The following ACYP2 variants were observed in gnomAD, a reference collection of about 807,000 sequenced individuals.
ACYP2 encodes acylphosphatase-2.
In ACYP2, 12 loss-of-function variants were observed where a neutral mutation model predicts 11.2. The ratio of observed to expected loss-of-function variants is 1.08; its 90% confidence interval spans 0.69 to 1.74. The LOEUF is 1.74. Ranked by LOEUF, ACYP2 falls within the 40% of genes most tolerant of loss-of-function variation. The pLI is 0.00. For missense variants in ACYP2, 134 were observed against 101.9 expected, an observed-to-expected ratio of 1.31 and a Z score of -1.35; for synonymous variants, 43 against 32.2, an observed-to-expected ratio of 1.33 and a Z score of -1.13.
At chr2:54,103,219 T>C (rs886948709) in intron 4 of ACYP2, among the ~76,000 whole-genome samples, 1 of 152,234 alleles carries the variant, frequency 6.6e-6, no homozygotes, top group African/African-American at 2.4e-5. Flanking sequence ...GAAAGAAGTT[T>C]TCTATCAAAA....
At chr2:54,064,057 C>CT (rs1319039259) in intron 4 of ACYP2, among the ~76,000 whole-genome samples, 44 of 152,154 alleles carry the variant, frequency 2.9e-4, no homozygotes, top group African/African-American at 1.0e-3. Flanking sequence ...TATTGTTGCC[C>CT]TTGTTAGTCT....
chr2:54,093,956 A>T (rs72906752), intron 4 of ACYP2, among the ~76,000 whole-genome samples: 4,686 of 151,940 alleles, frequency 0.031, 256 homozygotes, highest in African/African-American at 0.11. Flanking sequence ...CAAACAAACA[A>T]ACAAACAAAC....
At chr2:54,051,157 G>C (rs536738008) in intron 3 of ACYP2, 21 of 701,648 alleles carry the variant, frequency 3.0e-5, no homozygotes, top group African/African-American at 1.1e-4. Flanking sequence ...GGGCAAGTGA[G>C]AACCAGACAG....
intron 6 of ACYP2, among the ~76,000 whole-genome samples, chr2:54,292,937 C>G (rs1689372109): frequency 6.6e-6 from 1 of 152,198 alleles, no homozygotes; most frequent in African/African-American, 2.4e-5. Context: ...ACCTAATTCC[C>G]TGTATTAAAT....
chr2:54,002,064 C>T (rs1224671470), intron 2 of ACYP2, among the ~76,000 whole-genome samples: 1 of 152,196 alleles, frequency 6.6e-6, no homozygotes, highest in African/African-American at 2.4e-5. Flanking sequence ...GGTGTACATT[C>T]TATGGGTTTT....
chr2:54,016,277 T>C (rs1673678621), intron 2 of ACYP2, among the ~76,000 whole-genome samples: 1 of 152,040 alleles, frequency 6.6e-6, no homozygotes, highest in African/African-American at 2.4e-5. Flanking sequence ...ATAAAAAAAA[T>C]ATGTAGCCTT....
chr2:54,120,182 T>C (rs562895914), intron 4 of ACYP2, among the ~76,000 whole-genome samples: 1 of 152,324 alleles, frequency 6.6e-6, no homozygotes, highest in Admixed American at 6.5e-5. Context: ...CTCTCTCTTT[T>C]CATCCTGTAC....
intron 6 of ACYP2, among the ~76,000 whole-genome samples, chr2:54,290,187 C>G (rs1689240796): frequency 6.6e-6 from 1 of 152,082 alleles, no homozygotes; most frequent in African/African-American, 2.4e-5. Context: ...GCCGCCGCCC[C>G]GCGATCAATG....
chr2:54,270,456 T>A (rs1688240556), intron 6 of ACYP2, among the ~76,000 whole-genome samples: 1 of 152,178 alleles, frequency 6.6e-6, no homozygotes. Context: ...TATTAAAACA[T>A]AATTAGCCAG....
At chr2:54,131,132 A>T (rs1380450331) in intron 4 of ACYP2, among the ~76,000 whole-genome samples, 1 of 152,236 alleles carries the variant, frequency 6.6e-6, no homozygotes, top group African/African-American at 2.4e-5. Context: ...CAATTGAAAA[A>T]TGTTTGTTAA....
chr2:53,972,583 G>T (rs1425223518), intron 1 of ACYP2, among the ~76,000 whole-genome samples: 1 of 152,162 alleles, frequency 6.6e-6, no homozygotes, highest in Non-Finnish European at 1.5e-5. Flanking sequence ...CTCCAGCCTG[G>T]GTGGCAGAGC....
chr2:54,144,416 C>T (rs1354195944), intron 6 of ACYP2, among the ~76,000 whole-genome samples: 2 of 152,130 alleles, frequency 1.3e-5, no homozygotes, highest in African/African-American at 4.8e-5. Flanking sequence ...TGGCTCACGC[C>T]TGTAACCCCA....
At chr2:54,144,950 CCGT>C (rs1681818607) in intron 6 of ACYP2, among the ~76,000 whole-genome samples, 1 of 151,824 alleles carries the variant, frequency 6.6e-6, no homozygotes, top group African/African-American at 2.4e-5. Context: ...GTCCTAGTTG[CCGT>C]TGTTTTTAGT....
At chr2:54,207,577 T>C (rs1685134404) in intron 6 of ACYP2, among the ~76,000 whole-genome samples, 1 of 152,194 alleles carries the variant, frequency 6.6e-6, no homozygotes, top group Admixed American at 6.5e-5. Flanking sequence ...AGTTGACACA[T>C]AAAATGTAAC....
intron 6 of ACYP2, 54 bp from the exon 4 acceptor site, chr2:54,304,634 T>C: frequency 7.6e-7 from 1 of 1,309,990 alleles, no homozygotes; most frequent in Non-Finnish European, 1.1e-6. Context: ...TCATTTTAGC[T>C]GATCCATGTA....
At chr2:54,142,295 C>G (rs1681651387) in intron 6 of ACYP2, 3 of 176,226 alleles carry the variant, frequency 1.7e-5, no homozygotes, top group Non-Finnish European at 3.6e-5. Flanking sequence ...AATTAATGGA[C>G]CAATATGGAT....
At position 54,136,053 on chromosome 2, in the gene ACYP2, C is replaced by T. The variant is rs976975744; in HGVS notation, c.294+584C>T. ...GCTGGGATTACACAGGTGCCTGCTA[C>T]GACATCCAGCTACTTTTTTATTTTT... is the stretch of plus-strand genomic sequence containing the variant. On this transcript the variant is annotated intron_variant, in intron 5 of 6. Coordinates refer to ENST00000607452, the MANE Select transcript of ACYP2 (RefSeq NM_001320586.2). Among the ~76,000 whole-genome samples the T allele has an allele frequency of 1.5e-4, 23 of 152,174 alleles. No homozygotes were observed. In the South Asian group the frequency reaches 1.7e-3, roughly 11 times the overall value.
intron 6 of ACYP2, among the ~76,000 whole-genome samples, chr2:54,292,198 C>CA (rs1558672992): frequency 6.8e-6 from 1 of 148,006 alleles, no homozygotes; most frequent in Non-Finnish European, 1.5e-5. Flanking sequence ...CAAAACAAAT[C>CA]TTTTTTTTTT....
At chr2:54,094,730 G>T (rs1370949935) in intron 4 of ACYP2, among the ~76,000 whole-genome samples, 2 of 151,322 alleles carry the variant, frequency 1.3e-5, no homozygotes, top group Admixed American at 6.6e-5. Flanking sequence ...TGGAGATGGT[G>T]TTTCACCACG....
Sources: gnomAD v4.1 joint callset for allele counts (sites outside exome capture counted in the v4.1 genomes callset) on GRCh38, gnomAD v4.1.1 for gene constraint, MANE v1.5 for transcripts, NCBI Gene and HGNC (gene_info 2026-07-23, HGNC 2026-07-21) for gene names.